Variants in TMEM229B observed in about 807,000 individuals in gnomAD.
The protein encoded by TMEM229B is transmembrane protein 229B.
TMEM229B carries 6 observed loss-of-function variants against 13.7 expected under a neutral mutation model. The observed-to-expected ratio is 0.44, with a 90% confidence interval of 0.24 to 0.86. TMEM229B has a LOEUF of 0.86. Among genes scored for constraint, TMEM229B ranks in the 40% least tolerant of loss-of-function variants. The pLI is 0.23. For synonymous variants in TMEM229B, 107 were observed against 102.1 expected (o/e 1.05, Z -0.29); for missense variants, 170 against 236.0 (o/e 0.72, Z 1.83).
At chr14:67,480,082 C>T (rs764633436) in intron 2 of TMEM229B, among the ~76,000 whole-genome samples, 1 of 152,162 alleles carries the variant, frequency 6.6e-6, no homozygotes, top group African/African-American at 2.4e-5. Flanking sequence ...GTTGTGAGGA[C>T]GAATGAACTC....
At chr14:67,502,740 C>CA (rs2032661661) in intron 1 of TMEM229B, among the ~76,000 whole-genome samples, 1 of 152,016 alleles carries the variant, frequency 6.6e-6, no homozygotes, top group Non-Finnish European at 1.5e-5. Context: ...GCGTGAGCCA[C>CA]CGCGCCGGGC....
intron 1 of TMEM229B, 140 bp from the exon 2 acceptor site, chr14:67,487,312 C>A (rs921960122): frequency 6.6e-6 from 1 of 152,488 alleles, no homozygotes; most frequent in Non-Finnish European, 1.5e-5. Context: ...CCGGAACCTA[C>A]CCCCTCCTCT....
rs2030886306 is a variant in TMEM229B at position 67,473,225 on chromosome 14, C to T, written c.*195G>A. The T allele has an allele frequency of 4.3e-6, 3 of 703,710 alleles. No homozygotes were observed. The highest frequency in any genetic ancestry group is 6.9e-6 in the Non-Finnish European group (3 of 433,978). The allele number at this position is 703,710 out of a possible 1,614,324, so 43.6% of individuals were successfully genotyped here. ...TCCCAATGTCCCTCTGCTGCCTCCACACCCCATCCCCCAACACCTGACCAC... is the reference window on the plus strand; with the variant it reads ...TCCCAATGTCCCTCTGCTGCCTCCATACCCCATCCCCCAACACCTGACCAC... On this transcript the variant is annotated 3_prime_UTR_variant, in exon 3 of 3. Transcript: ENST00000554480. This position sits in a 1 kb window ranked among gnomAD's most constrained non-coding sequence, Gnocchi z 6.5.
intron 1 of TMEM229B, among the ~76,000 whole-genome samples, chr14:67,500,276 C>T (rs915206988): frequency 6.6e-6 from 1 of 152,104 alleles, no homozygotes. Flanking sequence ...GAGTTCAAGA[C>T]CAGCCTGGCC....
At chr14:67,497,225 C>T (rs1019373253) in intron 1 of TMEM229B, among the ~76,000 whole-genome samples, 11 of 152,038 alleles carry the variant, frequency 7.2e-5, no homozygotes, top group Non-Finnish European at 1.0e-4. Flanking sequence ...TCTGGGGTCA[C>T]GGGAGGGCAG....
intron 1 of TMEM229B, among the ~76,000 whole-genome samples, chr14:67,496,738 CTT>C (rs1392842983): frequency 1.4e-5 from 2 of 144,704 alleles, no homozygotes; most frequent in Admixed American, 7.1e-5. Flanking sequence ...CTCTCTCTCT[CTT>C]TCTTTCCTTC....
At chr14:67,496,956 C>A (rs1002970931) in intron 1 of TMEM229B, among the ~76,000 whole-genome samples, 7 of 151,996 alleles carry the variant, frequency 4.6e-5, no homozygotes, top group Non-Finnish European at 7.4e-5. Context: ...CGCCACCACA[C>A]CTGGCTAATT....
At chr14:67,528,553 C>T (rs1239697302) in intron 1 of TMEM229B, among the ~76,000 whole-genome samples, 1 of 152,182 alleles carries the variant, frequency 6.6e-6, no homozygotes, top group Non-Finnish European at 1.5e-5. Flanking sequence ...TAGGATGTTG[C>T]AAACTCTAAA....
In TMEM229B at chr14:67,473,321, A is replaced by C; in HGVS notation, c.*99T>G. 1 of 1,506,326 alleles carries C rather than the reference A, an allele frequency of 6.6e-7. No homozygotes were observed. Among genetic ancestry groups the C allele is most frequent in the Non-Finnish European group, 9.0e-7 (1 of 1,109,900 alleles). 93.3% of individuals were successfully genotyped at this position (1,506,326 alleles called of 1,614,324 possible). Reference sequence around the variant, plus strand: ...CCCTATAGGGCTGAGGCTTGGCCGGAGCAGGGCTTTTGCTGCATGGATGGG... The same window carrying C: ...CCCTATAGGGCTGAGGCTTGGCCGGCGCAGGGCTTTTGCTGCATGGATGGG... On this transcript the variant is annotated 3_prime_UTR_variant, in exon 3 of 3. Transcript: ENST00000554480. This position sits in a 1 kb window ranked among gnomAD's most constrained non-coding sequence, Gnocchi z 6.5.
intron 2 of TMEM229B, among the ~76,000 whole-genome samples, chr14:67,476,983 G>A (rs1355974899): frequency 6.6e-6 from 1 of 152,050 alleles, no homozygotes. Context: ...AAAAAACAAT[G>A]GATGGGTAGG....
chr14:67,533,367 G>A (rs1594728894), intron 1 of TMEM229B: 2 of 151,588 alleles, frequency 1.3e-5, no homozygotes, highest in African/African-American at 2.4e-5. Flanking sequence ...TGTGCCCAGT[G>A]CGCGGCGGGG....
At chr14:67,482,429 T>G (rs2031639751) in intron 2 of TMEM229B, among the ~76,000 whole-genome samples, 1 of 152,128 alleles carries the variant, frequency 6.6e-6, no homozygotes, top group Admixed American at 6.5e-5. Flanking sequence ...CAGAGAAGCA[T>G]CTGGCCAGAA....
chr14:67,474,714 C>G (rs759863931), intron 2 of TMEM229B, among the ~76,000 whole-genome samples: 2 of 152,134 alleles, frequency 1.3e-5, no homozygotes, highest in Non-Finnish European at 2.9e-5. Flanking sequence ...ATACAAACTC[C>G]CATTCCCCAT....
At chr14:67,480,612 T>A (rs541420590) in intron 2 of TMEM229B, among the ~76,000 whole-genome samples, 52 of 152,182 alleles carry the variant, frequency 3.4e-4, no homozygotes, top group Non-Finnish European at 6.3e-4. Flanking sequence ...AGCACAGGGA[T>A]GTGGAGACCT....
chr14:67,512,447 T>A (rs1363138238), intron 1 of TMEM229B, among the ~76,000 whole-genome samples: 1 of 152,164 alleles, frequency 6.6e-6, no homozygotes, highest in Non-Finnish European at 1.5e-5. Context: ...CTTTGCCAGG[T>A]CAGAAATTAT....
chr14:67,516,279 G>A (rs2033198615), upstream of TMEM229B, among the ~76,000 whole-genome samples: 1 of 152,098 alleles, frequency 6.6e-6, no homozygotes, highest in Non-Finnish European at 1.5e-5. Flanking sequence ...ACCCTCTGGG[G>A]GTGTCCTTTT....
At chr14:67,513,063 A>C (rs907747236) in intron 1 of TMEM229B, among the ~76,000 whole-genome samples, 2 of 152,210 alleles carry the variant, frequency 1.3e-5, no homozygotes, top group East Asian at 3.8e-4. Flanking sequence ...GAGGGTCTTA[A>C]ATCACTTTAT....
chr14:67,485,495 A>T (rs1282054565), intron 2 of TMEM229B, among the ~76,000 whole-genome samples: 1 of 152,210 alleles, frequency 6.6e-6, no homozygotes, highest in Non-Finnish European at 1.5e-5. Context: ...AAATTCCTGC[A>T]TGGAATCTGA....
At chr14:67,494,067 C>T (rs537316849) in intron 1 of TMEM229B, among the ~76,000 whole-genome samples, 1 of 152,170 alleles carries the variant, frequency 6.6e-6, no homozygotes, top group African/African-American at 2.4e-5. Context: ...CCAGGCACCT[C>T]CACCATAAGC....
Sources: gnomAD v4.1 joint callset for allele counts (sites outside exome capture counted in the v4.1 genomes callset) on GRCh38, gnomAD v4.1.1 for gene constraint, Gnocchi (gnomAD v3.1) non-coding constraint, MANE v1.5 for transcripts, NCBI Gene and HGNC (gene_info 2026-07-23, HGNC 2026-07-21) for gene names.